BCAS3: variants seen among roughly 807,000 people sequenced by gnomAD.
BCAS3 encodes the protein BCAS4/BCAS3 fusion.
In BCAS3, 53 loss-of-function variants were observed where a neutral mutation model predicts 116.1. The ratio of observed to expected loss-of-function variants is 0.46; its 90% confidence interval spans 0.37 to 0.57. The LOEUF (loss-of-function observed/expected upper bound fraction) is 0.57, where lower values mean the gene tolerates loss of function less well. BCAS3 is among the 20% of genes least tolerant of loss of function. BCAS3 has a pLI of 0.00. For missense variants in BCAS3, 917 were observed against 1,165.4 expected, an observed-to-expected ratio of 0.79 and a Z score of 3.10; for synonymous variants, 391 against 408.2, an observed-to-expected ratio of 0.96 and a Z score of 0.51.
rs1292711186 is a variant in BCAS3, at chr17:61,363,401, C to T, written c.2426-4926C>T. Among the ~76,000 whole-genome samples, 1 of 152,088 alleles carries T rather than the reference C, an allele frequency of 6.6e-6. No individual in the cohort carries two copies. Among genetic ancestry groups the T allele is most frequent in the African/African-American group, 2.4e-5 (1 of 41,400 alleles). On this transcript the variant is annotated intron_variant, in intron 22 of 23. Transcript: ENST00000407086. This position sits in a 1 kb window ranked among gnomAD's most constrained non-coding sequence, Gnocchi z 4.9. ...AAATAGTATTCAGGGCAGGAGGCAG[C>T]CCTGAAAGGCAAGAATCCCCAGGAG...
chr17:61,137,022 G>C, intron 22 of BCAS3, among the ~76,000 whole-genome samples: 1 of 152,254 alleles, frequency 6.6e-6, no homozygotes, highest in Middle Eastern at 3.4e-3. Context: ...TTTAAAAAAA[G>C]TATTGGTTTA....
At chr17:60,814,141 T>G (rs2049103012) in intron 7 of BCAS3, among the ~76,000 whole-genome samples, 1 of 152,190 alleles carries the variant, frequency 6.6e-6, no homozygotes, top group Non-Finnish European at 1.5e-5. Context: ...TTAACAATAT[T>G]TATTCTTCCA....
chr17:61,052,522 C>A (rs933982222), intron 19 of BCAS3, among the ~76,000 whole-genome samples: 5 of 152,016 alleles, frequency 3.3e-5, no homozygotes, highest in Admixed American at 6.6e-5. Flanking sequence ...GCAACTAGTA[C>A]AGAATTTGGT....
At chr17:60,983,150 G>A (rs561808288) in intron 14 of BCAS3, among the ~76,000 whole-genome samples, 1 of 152,118 alleles carries the variant, frequency 6.6e-6, no homozygotes, top group Non-Finnish European at 1.5e-5. Context: ...CATGGTAAAT[G>A]TTATTTGTCA....
At chr17:60,868,986 G>T (rs2054872500) in intron 8 of BCAS3, among the ~76,000 whole-genome samples, 2 of 152,162 alleles carry the variant, frequency 1.3e-5, no homozygotes, top group South Asian at 4.1e-4. Context: ...ATGGTTTTGA[G>T]AAATATTTTA....
At chr17:61,284,781 C>T (rs1329813638) in intron 22 of BCAS3, among the ~76,000 whole-genome samples, 1 of 151,984 alleles carries the variant, frequency 6.6e-6, no homozygotes, top group Non-Finnish European at 1.5e-5. Context: ...GAGAAGGAAT[C>T]CTCAGAAGAG....
intron 13 of BCAS3, among the ~76,000 whole-genome samples, chr17:60,941,067 G>A (rs1047558672): frequency 6.6e-6 from 1 of 152,212 alleles, no homozygotes; most frequent in Non-Finnish European, 1.5e-5. Flanking sequence ...AGAACGCTGT[G>A]TACCATCAGC....
intron 15 of BCAS3, chr17:61,002,658 T>TGCAGATCC (rs1354755428): frequency 6.6e-6 from 1 of 152,162 alleles, no homozygotes; most frequent in Non-Finnish European, 1.5e-5. Flanking sequence ...GAGTACTACA[T>TGCAGATCC]GCAGATCCAG....
chr17:61,240,387 AC>A (rs2144497918), intron 22 of BCAS3, among the ~76,000 whole-genome samples: 2 of 152,346 alleles, frequency 1.3e-5, no homozygotes, highest in East Asian at 3.9e-4. Flanking sequence ...ACAGTGGGTC[AC>A]ACCTGTAACC....
At chr17:61,312,575 T>A (rs2054399348) in intron 22 of BCAS3, among the ~76,000 whole-genome samples, 1 of 152,204 alleles carries the variant, frequency 6.6e-6, no homozygotes, top group Non-Finnish European at 1.5e-5. Context: ...ATATGTATTG[T>A]GGCCAATGCA....
At position 61,020,008 on chromosome 17, in the gene BCAS3, A is replaced by T. The variant is rs2065760917; in HGVS notation, c.1637+4107A>T. Reference sequence around the variant, plus strand: ...AGGTAAATTATATTCTGTTTTCAATATACCTGATAATGTAGTTGGTAAAAT... The same window carrying T: ...AGGTAAATTATATTCTGTTTTCAATTTACCTGATAATGTAGTTGGTAAAAT... On this transcript the variant is annotated intron_variant, in intron 16 of 23. Transcript: ENST00000407086. This position sits in a 1 kb window ranked among gnomAD's most constrained non-coding sequence, Gnocchi z 4.5. 6.6e-6 allele frequency among the ~76,000 whole-genome samples: 1 copy of T among 152,230 alleles called. No individual in the cohort carries two copies.
chr17:61,257,385 C>A (rs1189522219), intron 22 of BCAS3, among the ~76,000 whole-genome samples: 2 of 138,830 alleles, frequency 1.4e-5, no homozygotes, highest in Non-Finnish European at 3.0e-5. Flanking sequence ...CACACCACTG[C>A]ACTCCAACCT....
At chr17:60,959,209 A>G (rs548581779) in intron 14 of BCAS3, among the ~76,000 whole-genome samples, 57 of 152,140 alleles carry the variant, frequency 3.7e-4, no homozygotes, top group African/African-American at 1.4e-3. Context: ...TGGGAAGCTG[A>G]GGTGGAAGGA....
intron 10 of BCAS3, among the ~76,000 whole-genome samples, chr17:60,892,280 A>T: frequency 6.7e-6 from 1 of 148,302 alleles, no homozygotes; most frequent in African/African-American, 2.5e-5. Flanking sequence ...CCTTTTCTCC[A>T]TATTCCTGTC....
At chr17:60,925,517 CATT>C (rs1220771832) in intron 13 of BCAS3, among the ~76,000 whole-genome samples, 1 of 152,156 alleles carries the variant, frequency 6.6e-6, no homozygotes, top group Non-Finnish European at 1.5e-5. Context: ...GTCATTTTGA[CATT>C]ATTTCTGAAG....
chr17:61,357,257 TA>T (rs1568930580), intron 22 of BCAS3, among the ~76,000 whole-genome samples: 129 of 146,168 alleles, frequency 8.8e-4, no homozygotes, highest in Middle Eastern at 7.1e-3. Context: ...AATAAATAAA[TA>T]AATAAATAAA....
rs1300714522 is a variant in BCAS3, at chr17:61,104,405, TTAAAG to T, written c.2425+19845_2425+19849del. ...GAATAAAGAAAATTTTTTATTGAAA[TTAAAG>T]TAAGGAAATACCACAGGATGGCTTT... On this transcript the variant is annotated intron_variant, in intron 22 of 23. Coordinates refer to ENST00000407086, the MANE Select transcript of BCAS3 (RefSeq NM_017679.5). The surrounding 1 kb of genome is among the most constrained non-coding windows in gnomAD (Gnocchi z 4.1). Among the ~76,000 whole-genome samples the T allele has an allele frequency of 6.6e-6, 1 of 152,206 alleles. No homozygotes were observed. The highest frequency in any genetic ancestry group is 1.5e-5 in the Non-Finnish European group (1 of 68,040).
intron 5 of BCAS3, among the ~76,000 whole-genome samples, chr17:60,720,926 C>A (rs1282479097): frequency 6.6e-6 from 1 of 152,116 alleles, no homozygotes; most frequent in Admixed American, 6.6e-5. Flanking sequence ...TGCGGTACTT[C>A]AATGACCTAA....
chr17:60,792,618 C>T (rs1459863898), intron 6 of BCAS3, among the ~76,000 whole-genome samples: 1 of 152,184 alleles, frequency 6.6e-6, no homozygotes, highest in Non-Finnish European at 1.5e-5. Context: ...GGACAGATCC[C>T]TCATGAATAG....
Sources: allele counts gnomAD v4.1 joint callset (sites outside exome capture counted in the v4.1 genomes callset), GRCh38; gene constraint gnomAD v4.1.1; non-coding constraint Gnocchi (gnomAD v3.1); transcripts MANE v1.5; gene names NCBI Gene and HGNC (gene_info 2026-07-23, HGNC 2026-07-21).